Variants in LRRC8D observed in about 807,000 individuals in gnomAD.
The protein encoded by LRRC8D is volume-regulated anion channel subunit LRRC8D.
Under a neutral mutation model 55.8 loss-of-function variants are expected in LRRC8D, and 20 were observed. The ratio of observed to expected loss-of-function variants is 0.36; its 90% CI spans 0.25 to 0.52. The LOEUF (loss-of-function observed/expected upper bound fraction) is 0.52. LRRC8D is among the 20% of genes least tolerant of loss of function. The pLI is 0.93. For missense variants in LRRC8D, 651 were observed against 1,030.8 expected (o/e 0.63, Z 5.05); for synonymous variants, 352 against 377.0 (o/e 0.93, Z 0.77).
At chr1:89,917,958 C>T (rs998980834) in intron 2 of LRRC8D, among the ~76,000 whole-genome samples, 1 of 152,138 alleles carries the variant, frequency 6.6e-6, no homozygotes, top group Non-Finnish European at 1.5e-5. Context: ...CTACACTATG[C>T]ACTGTGTGAG....
intron 2 of LRRC8D, among the ~76,000 whole-genome samples, chr1:89,860,785 A>AAAT (rs1553123917): frequency 9.9e-4 from 28 of 28,198 alleles, no homozygotes; most frequent in East Asian, 2.0e-3. Context: ...AAAAAAAAAA[A>AAAT]ATATATATAT....
At chr1:89,833,832 C>T (rs1660941835) in intron 1 of LRRC8D, 1 of 152,154 alleles carries the variant, frequency 6.6e-6, no homozygotes, top group South Asian at 2.1e-4. Context: ...TTCCTGTTCT[C>T]TCCTTACCTG....
intron 2 of LRRC8D, among the ~76,000 whole-genome samples, chr1:89,888,633 G>A (rs961461163): frequency 1.3e-5 from 2 of 152,278 alleles, no homozygotes; most frequent in African/African-American, 4.8e-5. Flanking sequence ...AAGCCACCAG[G>A]TCTCCTGGCC....
At chr1:89,833,247 A>G (rs559609203) in intron 1 of LRRC8D, among the ~76,000 whole-genome samples, 10 of 152,336 alleles carry the variant, frequency 6.6e-5, no homozygotes, top group Admixed American at 2.6e-4. Flanking sequence ...CCCAAACCAA[A>G]TGAACAAATG....
intron 2 of LRRC8D, among the ~76,000 whole-genome samples, chr1:89,896,161 C>T (rs1041725110): frequency 2.0e-5 from 3 of 152,104 alleles, no homozygotes; most frequent in Admixed American, 6.5e-5. Flanking sequence ...ATTGCCGGGA[C>T]TTGGAGCAGA....
At chr1:89,865,500 A>T (rs960522149) in intron 2 of LRRC8D, among the ~76,000 whole-genome samples, 4 of 152,040 alleles carry the variant, frequency 2.6e-5, no homozygotes, top group Non-Finnish European at 5.9e-5. Flanking sequence ...TTGATTTTTT[A>T]AAATATGAAG....
At chr1:89,872,118 A>C (rs990112319) in intron 2 of LRRC8D, among the ~76,000 whole-genome samples, 1 of 152,234 alleles carries the variant, frequency 6.6e-6, no homozygotes, top group Non-Finnish European at 1.5e-5. Context: ...TTCCGTCTGC[A>C]ACGTAAATGC....
At chr1:89,826,517 G>A (rs1367011530) in intron 1 of LRRC8D, among the ~76,000 whole-genome samples, 3 of 152,170 alleles carry the variant, frequency 2.0e-5, no homozygotes, top group Non-Finnish European at 4.4e-5. Context: ...CTCCCAAAGT[G>A]CTGGGATTAC....
At chr1:89,906,824 A>G (rs1227135585) in intron 2 of LRRC8D, among the ~76,000 whole-genome samples, 1 of 152,052 alleles carries the variant, frequency 6.6e-6, no homozygotes, top group Non-Finnish European at 1.5e-5. Context: ...CTGCTGAGTC[A>G]TCTCAGCTCA....
chr1:89,844,748 A>AT (rs1661230376), intron 2 of LRRC8D, among the ~76,000 whole-genome samples: 1 of 152,092 alleles, frequency 6.6e-6, no homozygotes, highest in Admixed American at 6.5e-5. Flanking sequence ...AATAACTCAG[A>AT]TTGACTTCTC....
At chr1:89,827,511 G>A (rs1216947539) in intron 1 of LRRC8D, among the ~76,000 whole-genome samples, 1 of 152,162 alleles carries the variant, frequency 6.6e-6, no homozygotes, top group African/African-American at 2.4e-5. Flanking sequence ...GGACATTGCT[G>A]CTAGAATGTA....
chr1:89,902,627 C>G (rs1421183134), intron 2 of LRRC8D, among the ~76,000 whole-genome samples: 3 of 151,808 alleles, frequency 2.0e-5, no homozygotes, highest in Non-Finnish European at 4.4e-5. Context: ...AGCTCCGCCT[C>G]CTAGGTCCAC....
chr1:89,868,566 A>T (rs1213521521), intron 2 of LRRC8D, among the ~76,000 whole-genome samples: 1 of 152,096 alleles, frequency 6.6e-6, no homozygotes, highest in East Asian at 1.9e-4. Flanking sequence ...ATTTTTTACA[A>T]TAATAAAGAG....
At position 89,933,267 on chromosome 1, in the gene LRRC8D, C is replaced by G. The variant is rs1232234610; in HGVS notation, c.199C>G (p.His67Asp). 4 of 1,614,066 alleles carry G rather than the reference C, an allele frequency of 2.5e-6. No homozygotes were observed. Among genetic ancestry groups the G allele is most frequent in the Non-Finnish European group, 3.4e-6 (4 of 1,180,046 alleles). The stretch of plus-strand genomic sequence containing the variant: ...GCCATCTCCTGTAAATTCAAAGGCA[C>G]ATACACCACCAGGAAATGCCGAGGT... ...VLPSPVNSKA[H>D]TPPGNAEVTT... The change falls in exon 3 of 3, where the codon CAT becomes GAT. Residue 67 changes from histidine (H) to aspartate (D), a missense_variant. Coordinates refer to ENST00000337338, the MANE Select transcript of LRRC8D (RefSeq NM_001134479.2). The surrounding 1 kb of genome is among the most constrained non-coding windows in gnomAD (Gnocchi z 7.0).
chr1:89,838,596 A>C (rs1308924620), intron 1 of LRRC8D, among the ~76,000 whole-genome samples: 1 of 152,178 alleles, frequency 6.6e-6, no homozygotes, highest in Non-Finnish European at 1.5e-5. Flanking sequence ...GAGCATTTTG[A>C]ACAGTCTTTT....
chr1:89,887,841 A>G (rs1257567620), intron 2 of LRRC8D, among the ~76,000 whole-genome samples: 3 of 152,180 alleles, frequency 2.0e-5, no homozygotes, highest in Non-Finnish European at 1.5e-5. Flanking sequence ...TTTCTTTATA[A>G]TGTTACCACC....
chr1:89,832,070 G>A (rs554114584), intron 1 of LRRC8D, among the ~76,000 whole-genome samples: 109 of 152,342 alleles, frequency 7.2e-4, no homozygotes, highest in South Asian at 1.7e-3. Context: ...ATTGTCTACT[G>A]GGTTTTAGCC....
At chr1:89,929,030 C>A (rs1663635744) in intron 2 of LRRC8D, among the ~76,000 whole-genome samples, 1 of 152,164 alleles carries the variant, frequency 6.6e-6, no homozygotes, top group Non-Finnish European at 1.5e-5. Flanking sequence ...TGATCAAGAT[C>A]TCAAAATCAT....
intron 2 of LRRC8D, among the ~76,000 whole-genome samples, chr1:89,900,624 A>G (rs755522431): frequency 1.3e-5 from 2 of 152,214 alleles, no homozygotes; most frequent in Non-Finnish European, 2.9e-5. Flanking sequence ...AGTATCTCTC[A>G]GAGAAAGGAG....
Sources: gnomAD v4.1 joint callset for allele counts (sites outside exome capture counted in the v4.1 genomes callset) on GRCh38, gnomAD v4.1.1 for gene constraint, Gnocchi (gnomAD v3.1) non-coding constraint, MANE v1.5 for transcripts, NCBI Gene and HGNC (gene_info 2026-07-23, HGNC 2026-07-21) for gene names.